Variants in ARHGAP39 observed in about 807,000 individuals in gnomAD.
The protein encoded by ARHGAP39 is Rho GTPase activating protein 39, also known as rho GTPase-activating protein 39.
Under a neutral mutation model 106.9 loss-of-function variants are expected in ARHGAP39, and 44 were observed. The ratio of observed to expected loss-of-function variants is 0.41; its 90% CI spans 0.32 to 0.53. The LOEUF is 0.53. ARHGAP39 is among the 20% of genes least tolerant of loss of function. The pLI, the probability that ARHGAP39 is intolerant of heterozygous loss-of-function variation, is 0.21. For missense variants in ARHGAP39, 1,496 were observed against 1,577.3 expected, an observed-to-expected ratio of 0.95 and a Z score of 0.87; for synonymous variants, 768 against 693.2, an observed-to-expected ratio of 1.11 and a Z score of -1.69.
intron 3 of ARHGAP39, among the ~76,000 whole-genome samples, chr8:144,577,402 C>T (rs1464284388): frequency 4.6e-5 from 7 of 152,150 alleles, no homozygotes; most frequent in African/African-American, 1.7e-4. Flanking sequence ...GATAAAACCA[C>T]TGGGAACACA....
In ARHGAP39 at chr8:144,548,248, C is replaced by T. The variant is rs769494574; in HGVS notation, c.838G>A (p.Glu280Lys). 1.2e-6 allele frequency: 2 copies of T among 1,608,148 alleles called. No homozygotes were observed. The highest frequency in any genetic ancestry group is 1.7e-6 in the Non-Finnish European group (2 of 1,177,460). ...RRPSPFLKRA[E>K]LPGSSSPLLA... ...AGCGGGGAGCTGCTCCCTGGGAGCT[C>T]GGCCCTCTTCAGGAAGGGTGACGGC... Residue 280 changes from glutamate to lysine, a missense_variant, in exon 5 of 12, where the codon GAG becomes AAG. Transcript: ENST00000377307. This position sits in a 1 kb window ranked among gnomAD's most constrained non-coding sequence, Gnocchi z 7.4.
chr8:144,686,061 C>G (rs559396634), upstream of ARHGAP39, among the ~76,000 whole-genome samples: 15 of 152,148 alleles, frequency 9.9e-5, no homozygotes, highest in South Asian at 2.3e-3. Flanking sequence ...AGAGGCCTCC[C>G]GCGCGGACCT....
At chr8:144,619,580 G>A (rs1469604027) in intron 1 of ARHGAP39, among the ~76,000 whole-genome samples, 1 of 151,596 alleles carries the variant, frequency 6.6e-6, no homozygotes, top group Non-Finnish European at 1.5e-5. Flanking sequence ...GTGTGTGTGT[G>A]AGACTGTGTG....
intron 2 of ARHGAP39, among the ~76,000 whole-genome samples, chr8:144,599,365 G>C (rs1426804263): frequency 6.6e-6 from 1 of 152,194 alleles, no homozygotes; most frequent in Non-Finnish European, 1.5e-5. Context: ...ATGTCTAGGG[G>C]ATGTTTTAAG....
chr8:144,665,056 A>T (rs1821927787), intron 1 of ARHGAP39, among the ~76,000 whole-genome samples: 1 of 152,220 alleles, frequency 6.6e-6, no homozygotes, highest in African/African-American at 2.4e-5. Flanking sequence ...TGATACGAAT[A>T]AGGTCCAGGC....
chr8:144,624,218 G>A lies in ARHGAP39; in HGVS notation c.-81-18523C>T, dbSNP rs190771802. On this transcript the variant is annotated intron_variant, in intron 1 of 11. Coordinates refer to ENST00000377307, the MANE Select transcript of ARHGAP39 (RefSeq NM_025251.3). The stretch of plus-strand genomic sequence containing the variant: ...CCATGTTAGCCCCAGTGACTTGGCC[G>A]TGCCGACAGCCATGACGAGCGCCCT... 2.0e-5 allele frequency among the ~76,000 whole-genome samples: 3 copies of A among 152,356 alleles called. No homozygotes were observed. The South Asian group carries it at 6.2e-4, about 32-fold the overall frequency.
the ARHGAP39 span, among the ~76,000 whole-genome samples, chr8:144,691,956 A>G: frequency 6.6e-6 from 1 of 151,996 alleles, no homozygotes; most frequent in African/African-American, 2.4e-5. Flanking sequence ...AAACCGATTC[A>G]AGGCACTTTG....
At chr8:144,622,908 G>A (rs114317734) in intron 1 of ARHGAP39, among the ~76,000 whole-genome samples, 380 of 152,320 alleles carry the variant, frequency 2.5e-3, no homozygotes, top group African/African-American at 8.5e-3. Flanking sequence ...AGTTACTGCC[G>A]GGGGACGCCC....
intron 7 of ARHGAP39, among the ~76,000 whole-genome samples, chr8:144,535,837 C>T (rs1361812223): frequency 6.6e-6 from 1 of 152,230 alleles, no homozygotes; most frequent in Non-Finnish European, 1.5e-5. Context: ...TCAGTTTACT[C>T]CTCTGTAGGA....
rs1238206770 is a variant in ARHGAP39, at chr8:144,645,939, G to A, written c.-82+39747C>T. On this transcript the variant is annotated intron_variant, in intron 1 of 11. Coordinates refer to ENST00000377307, the MANE Select transcript of ARHGAP39 (RefSeq NM_025251.3). The surrounding 1 kb of genome is among the most constrained non-coding windows in gnomAD (Gnocchi z 4.4). Reference sequence around the variant, plus strand: ...GTATGCGGCAGCAACACCATCTTTAGGATGTCACTGTGTAACAACAGGGTA... The same window carrying A: ...GTATGCGGCAGCAACACCATCTTTAAGATGTCACTGTGTAACAACAGGGTA... Among the ~76,000 whole-genome samples, 1 of 152,210 alleles carries A rather than the reference G, an allele frequency of 6.6e-6. No homozygotes were observed. The highest frequency in any genetic ancestry group is 3.2e-3 in the Middle Eastern group (1 of 316).
chr8:144,668,976 A>G (rs1053160351), intron 1 of ARHGAP39, among the ~76,000 whole-genome samples: 3 of 152,104 alleles, frequency 2.0e-5, no homozygotes, highest in African/African-American at 7.2e-5. Flanking sequence ...GATACACAGG[A>G]CAACAGCACA....
chr8:144,629,953 T>G (rs563596073), intron 1 of ARHGAP39, among the ~76,000 whole-genome samples: 9 of 151,904 alleles, frequency 5.9e-5, no homozygotes, highest in Non-Finnish European at 7.4e-5. Context: ...GGGGACACTG[T>G]GGGGGGCCCT....
At chr8:144,680,384 A>G (rs972079408) in intron 1 of ARHGAP39, among the ~76,000 whole-genome samples, 4 of 152,240 alleles carry the variant, frequency 2.6e-5, no homozygotes, top group Non-Finnish European at 4.4e-5. Flanking sequence ...ACAATACAGA[A>G]AACACAGAAA....
chr8:144,653,297 G>A (rs1036059458), intron 1 of ARHGAP39, among the ~76,000 whole-genome samples: 1 of 152,072 alleles, frequency 6.6e-6, no homozygotes, highest in Non-Finnish European at 1.5e-5. Flanking sequence ...GTGAAATTCT[G>A]TCTCAGAAAA....
chr8:144,545,399 G>GT lies in ARHGAP39; in HGVS notation c.2370_2371insA (p.Gln791ThrfsTer48). 1 of 1,447,140 alleles carries GT rather than the reference G, an allele frequency of 6.9e-7. No individual in the cohort carries two copies. Among genetic ancestry groups the GT allele is most frequent in the African/African-American group, 2.0e-5 (1 of 49,264 alleles). The allele number at this position is 1,447,140 out of a possible 1,614,324, so 89.6% of individuals were successfully genotyped here. A position where few individuals can be genotyped will look rare whatever the true frequency, so the allele number is the denominator to read the frequency against. ...TCCAGGCGGAAGTTCTCGGTGGTCTGCCGGCACAGCTGGATGTAGAGCTCG... is the reference window on the plus strand; with the variant it reads ...TCCAGGCGGAAGTTCTCGGTGGTCTGTCCGGCACAGCTGGATGTAGAGCTCG... On this transcript the variant is annotated frameshift_variant, in exon 6 of 12. Transcript: ENST00000377307. LOFTEE classifies it high-confidence loss of function.
At chr8:144,609,049 G>A (rs1001873576) in intron 1 of ARHGAP39, among the ~76,000 whole-genome samples, 4 of 151,978 alleles carry the variant, frequency 2.6e-5, no homozygotes, top group African/African-American at 9.7e-5. Context: ...TATTTTTCTT[G>A]CATAATTGCA....
chr8:144,560,347 A>G (rs572013956), intron 3 of ARHGAP39, among the ~76,000 whole-genome samples: 1 of 152,298 alleles, frequency 6.6e-6, no homozygotes, highest in South Asian at 2.1e-4. Flanking sequence ...AGGCAGGAGA[A>G]TCGCTTGAAC....
intron 2 of ARHGAP39, among the ~76,000 whole-genome samples, chr8:144,590,228 G>A (rs1036210131): frequency 2.0e-5 from 3 of 152,332 alleles, no homozygotes; most frequent in African/African-American, 7.2e-5. Context: ...TCGGGGCAGG[G>A]CCATCTCTGG....
chr8:144,555,628 T>A lies in ARHGAP39; in HGVS notation c.528A>T (p.Gly176=). The A allele has an allele frequency of 6.2e-7, 1 of 1,613,792 alleles. No homozygotes were observed. The highest frequency in any genetic ancestry group is 8.5e-7 in the Non-Finnish European group (1 of 1,179,930). Residue 176 remains glycine (G), a synonymous_variant, in exon 4 of 12, where the codon GGA becomes GGT. Transcript: ENST00000377307. The stretch of plus-strand genomic sequence containing the variant: ...TCTCATAGTCCTTCTCAAGGAACAC[T>A]CCTGGTGGTGAAGAGCTGAAACACA... The part of the protein sequence containing the change: ...KEDSGSSSPP[G]VFLEKDYEIY...
Sources: gnomAD v4.1 joint callset for allele counts (sites outside exome capture counted in the v4.1 genomes callset) on GRCh38, gnomAD v4.1.1 for gene constraint, Gnocchi (gnomAD v3.1) non-coding constraint, MANE v1.5 for transcripts, NCBI Gene and HGNC (gene_info 2026-07-23, HGNC 2026-07-21) for gene names.